The following LTN1 variants were observed in gnomAD, a reference collection of about 807,000 sequenced individuals.
The protein encoded by LTN1 is E3 ubiquitin-protein ligase listerin.
LTN1 carries 88 observed loss-of-function variants against 201.2 expected under a neutral mutation model. The observed-to-expected ratio is 0.44, with a 90% CI of 0.37 to 0.52. The LOEUF is 0.52. Ranked by LOEUF, LTN1 falls within the 20% of genes least tolerant of loss-of-function variation. LTN1 has a pLI of 0.00. For synonymous variants in LTN1, 645 were observed against 713.5 expected (o/e 0.90, Z 1.53); for missense variants, 1,752 against 2,038.7 (o/e 0.86, Z 2.71).
Position 28,971,391 on chromosome 21 carries a change from CTG to C in LTN1, c.862_863del (p.Gln288ValfsTer16). 6.2e-7 allele frequency: 1 copy of C among 1,614,068 alleles called. No individual in the cohort carries two copies. The highest frequency in any genetic ancestry group is 8.5e-7 in the Non-Finnish European group (1 of 1,180,002). The stretch of plus-strand genomic sequence containing the variant: ...CTTTGGATGCTTCCTCTTTCATCAA[CTG>C]TGGAATGCGCTGGCACAATGCAGAG... Reference protein sequence around the residue: ...LVSALCQRIPQLMKEEASKVS... With the variant: ...LVSALCQRIPXLMKEEASKVS... On this transcript the variant is annotated frameshift_variant, in exon 7 of 30. Coordinates refer to ENST00000361371, the MANE Select transcript of LTN1 (RefSeq NM_015565.3). LOFTEE classifies it high-confidence loss of function.
chr21:28,989,279 C>G (rs2084726437), intron 1 of LTN1, among the ~76,000 whole-genome samples: 1 of 151,902 alleles, frequency 6.6e-6, no homozygotes, highest in South Asian at 2.1e-4. Context: ...GGAGTGATAA[C>G]TAGGGGCAAA....
intron 6 of LTN1, among the ~76,000 whole-genome samples, chr21:28,972,613 A>G (rs891291006): frequency 6.6e-6 from 1 of 152,176 alleles, no homozygotes; most frequent in Non-Finnish European, 1.5e-5. Context: ...AGCAAAAGAA[A>G]TTATCCGCAA....
Position 28,966,448 on chromosome 21 carries a change from C to A in LTN1, c.2043G>T (p.Leu681=). The A allele has an allele frequency of 6.2e-7, 1 of 1,614,102 alleles. No individual in the cohort carries two copies. Among genetic ancestry groups the A allele is most frequent in the Non-Finnish European group, 8.5e-7 (1 of 1,180,008 alleles). The part of the protein sequence containing the change: ...NEDQRKDFGF[L]VDILYSALRC... ...GGAGAGCACTGTACAAAATGTCCAC[C>A]AGGAAACCAAAATCCTTCCTTTGAT... The change falls in exon 10 of 30, where the codon CTG becomes CTT. Residue 681 remains leucine (L), a synonymous_variant. Transcript: ENST00000361371.
chr21:28,964,899 T>C, intron 11 of LTN1: 1 of 1,219,440 alleles, frequency 8.2e-7, no homozygotes. Context: ...GAGAAGGCAC[T>C]AGATAAACTA....
At chr21:28,965,800 T>G in intron 11 of LTN1, 65 bp downstream of exon 11, 1 of 918,770 alleles carries the variant, frequency 1.1e-6, no homozygotes. Flanking sequence ...TAAATAGGAC[T>G]ACGGTTATAA....
At chr21:28,964,542 C>G in intron 11 of LTN1, 1 of 1,470,456 alleles carries the variant, frequency 6.8e-7, no homozygotes, top group Non-Finnish European at 9.0e-7. Flanking sequence ...ACTTGTGTAA[C>G]TTGCTTTATT....
At chr21:28,962,368 T>C (rs2084486127) in intron 11 of LTN1, among the ~76,000 whole-genome samples, 1 of 152,232 alleles carries the variant, frequency 6.6e-6, no homozygotes. Flanking sequence ...TCATTTTGTG[T>C]CTCTGTGTCA....
chr21:28,958,632 T>C (rs534575397), intron 13 of LTN1, 93 bp from the exon 14 acceptor site: 1 of 915,762 alleles, frequency 1.1e-6, no homozygotes, highest in South Asian at 1.9e-5. Context: ...ATCTGAGATT[T>C]TTTTAAATAC....
rs555250884 is a variant in LTN1, at chr21:28,963,728, G to A, written c.2163+2137C>T. Among the ~76,000 whole-genome samples, 6 of 152,314 alleles carry A rather than the reference G, an allele frequency of 3.9e-5. No homozygotes were observed. The South Asian group carries it at 1.2e-3, about 32-fold the overall frequency. On this transcript the variant is annotated intron_variant, in intron 11 of 29. Coordinates refer to ENST00000361371, the MANE Select transcript of LTN1 (RefSeq NM_015565.3). ...GCCATAGACAGTGATTCCTCTGATG[G>A]ATCTGGGCAAAGTCCACTGAAAACC...
At position 28,936,519 on chromosome 21, in the gene LTN1, T is replaced by G. The variant is rs1327989210; in HGVS notation, c.4654+7A>C. ...CAAGAAAGAACATAAACACATATCT[T>G]ACTGACCTCTAATACTCAGCTGGAG... On this transcript the variant is annotated splice_region_variant and intron_variant, in intron 26 of 29. Coordinates refer to ENST00000361371, the MANE Select transcript of LTN1 (RefSeq NM_015565.3). The G allele has an allele frequency of 1.1e-5, 17 of 1,602,458 alleles. No individual in the cohort carries two copies. Among genetic ancestry groups the G allele is most frequent in the African/African-American group, 1.3e-5 (1 of 74,634 alleles).
chr21:28,944,429 G>A lies in LTN1; in HGVS notation c.3936C>T (p.Ser1312=). 6.2e-7 allele frequency: 1 copy of A among 1,613,878 alleles called. No individual in the cohort carries two copies. Among genetic ancestry groups the A allele is most frequent in the Non-Finnish European group, 8.5e-7 (1 of 1,179,920 alleles). ...GTAAAAGCAAACTGTGGATGCCTTG[G>A]GAAAAAAATTCTTTCCATTCACTGA... The part of the protein sequence containing the change: ...NLISEWKEFF[S]QGIHSLLLPI... Residue 1312 remains serine, a synonymous_variant, in exon 22 of 30, where the codon TCC becomes TCT. Transcript: ENST00000361371.
At chr21:28,966,337 C>T (rs1293334168) in intron 10 of LTN1, 33 bp downstream of exon 10, 3 of 1,515,422 alleles carry the variant, frequency 2.0e-6, no homozygotes, top group Non-Finnish European at 2.7e-6. Context: ...ATCTATTATT[C>T]AAATAGTTTG....
Position 28,929,657 on chromosome 21 carries a change from C to T in LTN1, c.*791G>A, listed in dbSNP as rs1019947508. 7 of 152,158 alleles carry T rather than the reference C, an allele frequency of 4.6e-5. No homozygotes were observed. Among genetic ancestry groups the T allele is most frequent in the East Asian group, 1.9e-4 (1 of 5,188 alleles). The allele number at this position is 152,158 out of a possible 1,614,324, so 9.4% of individuals were successfully genotyped here. A position where few individuals can be genotyped will look rare whatever the true frequency, so the allele number is the denominator to read the frequency against. ...CTCAATAGAAGGATAACTACCACTC[C>T]GCTTCATGAATGAAATAATCAAATT... On this transcript the variant is annotated 3_prime_UTR_variant, in exon 30 of 30. Transcript: ENST00000361371.
intron 16 of LTN1, among the ~76,000 whole-genome samples, chr21:28,953,826 C>T (rs1039399437): frequency 6.6e-6 from 1 of 152,108 alleles, no homozygotes; most frequent in African/African-American, 2.4e-5. Flanking sequence ...TTCAAATCTG[C>T]ATCTCTCTCT....
chr21:28,974,238 C>T (rs1406317629), intron 6 of LTN1, among the ~76,000 whole-genome samples: 1 of 152,102 alleles, frequency 6.6e-6, no homozygotes, highest in South Asian at 2.1e-4. Context: ...AATTAAAAGG[C>T]AAGCCATATA....
At chr21:28,950,750 G>A (rs2084375451) in intron 18 of LTN1, among the ~76,000 whole-genome samples, 1 of 152,302 alleles carries the variant, frequency 6.6e-6, no homozygotes, top group East Asian at 1.9e-4. Flanking sequence ...CTGGGCTCAA[G>A]CTGTCCTCTC....
chr21:28,987,936 G>A (rs1162312925), intron 1 of LTN1, among the ~76,000 whole-genome samples: 1 of 151,562 alleles, frequency 6.6e-6, no homozygotes, highest in African/African-American at 2.4e-5. Context: ...GAGGTCAGGA[G>A]TTCGAGACCA....
chr21:28,955,480 C>T (rs894893837), intron 16 of LTN1, among the ~76,000 whole-genome samples: 3 of 151,978 alleles, frequency 2.0e-5, no homozygotes, highest in African/African-American at 7.3e-5. Context: ...ATTTAGAAAA[C>T]CAGTATATCA....
chr21:28,967,746 G>A (rs2084538742), intron 9 of LTN1: 2 of 152,450 alleles, frequency 1.3e-5, no homozygotes, highest in Non-Finnish European at 2.9e-5. Flanking sequence ...TGTACAGCTG[G>A]TTGGTCAGAA....
Sources: allele counts gnomAD v4.1 joint callset (sites outside exome capture counted in the v4.1 genomes callset), GRCh38; gene constraint gnomAD v4.1.1; transcripts MANE v1.5; gene names NCBI Gene and HGNC (gene_info 2026-07-23, HGNC 2026-07-21).